PPARGC1A: variants seen among roughly 807,000 people sequenced by gnomAD.
PPARGC1A encodes peroxisome proliferator-activated receptor gamma coactivator 1-alpha.
In PPARGC1A, 25 loss-of-function variants were observed where a neutral mutation model predicts 88.7. The ratio of observed to expected loss-of-function variants is 0.28; its 90% confidence interval spans 0.21 to 0.39. The LOEUF (loss-of-function observed/expected upper bound fraction) is 0.39. Ranked by LOEUF, PPARGC1A falls within the 10% of genes least tolerant of loss-of-function variation. The pLI, the probability that PPARGC1A is intolerant of heterozygous loss-of-function variation, is 1.00. For synonymous variants in PPARGC1A, 363 were observed against 355.6 expected (o/e 1.02, Z -0.24); for missense variants, 880 against 968.7 (o/e 0.91, Z 1.22).
the PPARGC1A span, among the ~76,000 whole-genome samples, chr4:24,182,325 C>T: frequency 6.6e-6 from 1 of 152,192 alleles, no homozygotes; most frequent in South Asian, 2.1e-4. Context: ...AGGATGTGAA[C>T]TCATTCTTTT....
the PPARGC1A span, among the ~76,000 whole-genome samples, chr4:24,465,892 C>T: frequency 6.6e-6 from 1 of 152,152 alleles, no homozygotes; most frequent in Non-Finnish European, 1.5e-5. Flanking sequence ...CTATATGTAG[C>T]ACAAGCGGAA....
the PPARGC1A span, among the ~76,000 whole-genome samples, chr4:23,991,138 T>C: frequency 4.6e-5 from 7 of 152,084 alleles, no homozygotes; most frequent in African/African-American, 1.7e-4. Flanking sequence ...AGGTCAGTCA[T>C]AAATGACACA....
upstream of PPARGC1A, among the ~76,000 whole-genome samples, chr4:23,908,455 A>G (rs907069428): frequency 2.6e-5 from 4 of 152,040 alleles, no homozygotes; most frequent in South Asian, 6.2e-4. Context: ...CATAAAATTC[A>G]TAGATTATAT....
At chr4:24,383,522 A>C in the PPARGC1A span, among the ~76,000 whole-genome samples, 2 of 152,178 alleles carry the variant, frequency 1.3e-5, no homozygotes, top group African/African-American at 2.4e-5. Context: ...CAGTTTAGAG[A>C]AGAACATAAA....
intron 3 of PPARGC1A, among the ~76,000 whole-genome samples, chr4:23,831,143 T>C (rs1724930079): frequency 6.6e-6 from 1 of 152,200 alleles, no homozygotes; most frequent in East Asian, 1.9e-4. Context: ...TTAAAAATTA[T>C]GCATGTATTT....
chr4:24,084,711 C>T, the PPARGC1A span, among the ~76,000 whole-genome samples: 2 of 152,158 alleles, frequency 1.3e-5, no homozygotes, highest in East Asian at 1.9e-4. Flanking sequence ...CTAAGAAATA[C>T]ATCAAACATT....
At chr4:23,947,510 A>T in the PPARGC1A span, among the ~76,000 whole-genome samples, 1 of 151,526 alleles carries the variant, frequency 6.6e-6, no homozygotes. Flanking sequence ...GTAACCCCAG[A>T]ACCTGCATCT....
At chr4:24,444,598 T>C in the PPARGC1A span, among the ~76,000 whole-genome samples, 1 of 152,220 alleles carries the variant, frequency 6.6e-6, no homozygotes, top group Admixed American at 6.5e-5. Flanking sequence ...GGGTCATGCA[T>C]GAGCCATTGC....
At chr4:24,430,424 AT>A in the PPARGC1A span, among the ~76,000 whole-genome samples, 105 of 147,726 alleles carry the variant, frequency 7.1e-4, no homozygotes, top group African/African-American at 2.2e-3. Flanking sequence ...CGCCCGGCTA[AT>A]TTTTTTTTTG....
At chr4:24,397,167 T>C in the PPARGC1A span, among the ~76,000 whole-genome samples, 2 of 151,758 alleles carry the variant, frequency 1.3e-5, no homozygotes, top group African/African-American at 2.4e-5. Context: ...CAAAGAAGAG[T>C]AAATTAAAAT....
At chr4:24,454,870 G>A in the PPARGC1A span, among the ~76,000 whole-genome samples, 1 of 151,764 alleles carries the variant, frequency 6.6e-6, no homozygotes, top group South Asian at 2.1e-4. Context: ...AGATAGTCAT[G>A]TGACTGATTT....
intron 2 of PPARGC1A, among the ~76,000 whole-genome samples, chr4:23,852,447 G>A (rs1729469017): frequency 6.6e-6 from 1 of 151,632 alleles, no homozygotes; most frequent in Non-Finnish European, 1.5e-5. Context: ...CCCTGACATA[G>A]AATTTTCATG....
chr4:24,044,972 G>C, the PPARGC1A span, among the ~76,000 whole-genome samples: 1 of 152,198 alleles, frequency 6.6e-6, no homozygotes, highest in Non-Finnish European at 1.5e-5. Context: ...AGTATTTTAA[G>C]CCCTACTGAG....
At chr4:23,912,792 CTTT>C in the PPARGC1A span, among the ~76,000 whole-genome samples, 5 of 138,478 alleles carry the variant, frequency 3.6e-5, no homozygotes, top group Admixed American at 7.3e-5. Flanking sequence ...GAACTAATTT[CTTT>C]TTTTTTTTTT....
At chr4:24,296,013 T>TATATGTGTGTAC in the PPARGC1A span, among the ~76,000 whole-genome samples, 1 of 81,910 alleles carries the variant, frequency 1.2e-5, no homozygotes, top group Non-Finnish European at 2.7e-5. Context: ...TATGTGTGTA[T>TATATGTGTGTAC]ATATATGTAT....
the PPARGC1A span, among the ~76,000 whole-genome samples, chr4:24,438,159 C>G: frequency 1.8e-4 from 28 of 152,194 alleles, no homozygotes; most frequent in African/African-American, 6.5e-4. Context: ...AGAGGTAGCA[C>G]TGATGACAGC....
the PPARGC1A span, among the ~76,000 whole-genome samples, chr4:24,123,211 G>T: frequency 6.6e-6 from 1 of 152,144 alleles, no homozygotes. Context: ...AACCAAAATT[G>T]TTCCATTCAA....
At chr4:24,333,097 C>T in the PPARGC1A span, among the ~76,000 whole-genome samples, 4 of 152,172 alleles carry the variant, frequency 2.6e-5, no homozygotes, top group Admixed American at 6.5e-5. Flanking sequence ...CAAAAATTAG[C>T]TGGGCGTGGT....
chr4:24,230,677 C>A, the PPARGC1A span, among the ~76,000 whole-genome samples: 9 of 151,874 alleles, frequency 5.9e-5, no homozygotes, highest in African/African-American at 2.2e-4. Flanking sequence ...CTGAGCAGTG[C>A]GAAGAGAAAA....
Sources: allele counts gnomAD v4.1 joint callset (sites outside exome capture counted in the v4.1 genomes callset), GRCh38; gene constraint gnomAD v4.1.1; transcripts MANE v1.5; gene names NCBI Gene and HGNC (gene_info 2026-07-23, HGNC 2026-07-21).